Variants in ADARB1 observed in about 807,000 individuals in gnomAD.
ADARB1 encodes the protein adenosine deaminase RNA specific B1.
In ADARB1, 10 loss-of-function variants were observed where a neutral mutation model predicts 52.4. That is an observed-to-expected ratio of 0.19 (90% CI 0.12 to 0.32). The LOEUF (loss-of-function observed/expected upper bound fraction) is 0.32. ADARB1 is among the 10% of genes least tolerant of loss of function. The pLI is 1.00. For synonymous variants in ADARB1, 349 were observed against 371.1 expected (o/e 0.94, Z 0.68); for missense variants, 643 against 922.3 (o/e 0.70, Z 3.92).
intron 9 of ADARB1, among the ~76,000 whole-genome samples, chr21:45,215,731 A>G (rs957465963): frequency 6.6e-6 from 1 of 152,126 alleles, no homozygotes. Flanking sequence ...TTCTTTTTAT[A>G]TATTGTTGGA....
intron 1 of ADARB1, among the ~76,000 whole-genome samples, chr21:45,111,383 C>T (rs2087526413): frequency 6.6e-6 from 1 of 152,170 alleles, no homozygotes; most frequent in Admixed American, 6.5e-5. Context: ...CCCCTGCCCC[C>T]ACACAGGCAC....
intron 1 of ADARB1, among the ~76,000 whole-genome samples, chr21:45,101,251 C>T (rs528485120): frequency 4.6e-5 from 7 of 152,276 alleles, no homozygotes; most frequent in South Asian, 2.1e-4. Context: ...CGCTCCGGAG[C>T]TGGCTCTGCG....
At chr21:45,134,693 T>TA (rs2089260328) in intron 2 of ADARB1, 1 of 420,260 alleles carries the variant, frequency 2.4e-6, no homozygotes, top group Non-Finnish European at 4.8e-6. Flanking sequence ...GCACAGATTT[T>TA]TTTTTTTTTT....
intron 1 of ADARB1, among the ~76,000 whole-genome samples, chr21:45,116,047 C>A (rs948026170): frequency 6.6e-6 from 1 of 152,204 alleles, no homozygotes; most frequent in Admixed American, 6.5e-5. Flanking sequence ...CAGACTAAGT[C>A]CTTTGTGCAA....
At chr21:45,139,665 G>A (rs556977158) in intron 2 of ADARB1, among the ~76,000 whole-genome samples, 3 of 152,286 alleles carry the variant, frequency 2.0e-5, no homozygotes, top group African/African-American at 4.8e-5. Context: ...GGCCGCGTGC[G>A]CCCGTGGGCC....
Position 45,214,940 on chromosome 21 carries a change from A to G in ADARB1, c.1748-5896A>G, listed in dbSNP as rs1014015964. 1.3e-5 allele frequency among the ~76,000 whole-genome samples: 2 copies of G among 152,194 alleles called. 1 individual carries two copies. Among genetic ancestry groups the G allele is most frequent in the Non-Finnish European group, 2.9e-5 (2 of 68,032 alleles). On this transcript the variant is annotated intron_variant, in intron 9 of 10. Transcript: ENST00000348831. ...TGCACTGGTTAGGACCTCCAGTACA[A>G]TGTTGAGTAGAAGTGATGACAGCAG...
intron 9 of ADARB1, among the ~76,000 whole-genome samples, chr21:45,217,524 G>T (rs2092887607): frequency 6.6e-6 from 1 of 152,060 alleles, no homozygotes; most frequent in Non-Finnish European, 1.5e-5. Context: ...ATTGTTTTCA[G>T]ACACTTTTGC....
intron 2 of ADARB1, among the ~76,000 whole-genome samples, chr21:45,170,530 T>A (rs2146107875): frequency 6.6e-6 from 1 of 152,096 alleles, no homozygotes; most frequent in Admixed American, 6.5e-5. Flanking sequence ...GCCTGAAATA[T>A]AGTGAGATTG....
chr21:45,149,822 C>T (rs781357993), intron 2 of ADARB1, among the ~76,000 whole-genome samples: 13 of 152,188 alleles, frequency 8.5e-5, no homozygotes, highest in Admixed American at 2.0e-4. Flanking sequence ...GCGGGGCTAG[C>T]GCACAGCGGC....
At position 45,225,238 on chromosome 21, in the gene ADARB1, A is replaced by G. The variant is rs1355496503; in HGVS notation, c.*3041A>G. The G allele has an allele frequency of 2.7e-6, 3 of 1,114,832 alleles. No homozygotes were observed. Among genetic ancestry groups the G allele is most frequent in the Admixed American group, 5.0e-5 (1 of 19,996 alleles). The allele number at this position is 1,114,832 out of a possible 1,614,324, so 69.1% of individuals were successfully genotyped here. On this transcript the variant is annotated 3_prime_UTR_variant, in exon 11 of 11. Transcript: ENST00000348831. The stretch of plus-strand genomic sequence containing the variant: ...TGCCATGAGGCAGCGACAGGTCCAG[A>G]TGGATGTCGTCACCACCTTCCTCAG...
At chr21:45,203,274 C>T (rs566186554) in intron 8 of ADARB1, among the ~76,000 whole-genome samples, 1 of 152,346 alleles carries the variant, frequency 6.6e-6, no homozygotes, top group East Asian at 1.9e-4. Context: ...GCGTTCCTCC[C>T]TCAGCCTCAC....
At chr21:45,167,387 C>T (rs1426494935) in intron 2 of ADARB1, among the ~76,000 whole-genome samples, 1 of 152,146 alleles carries the variant, frequency 6.6e-6, no homozygotes, top group Admixed American at 6.5e-5. Context: ...TCAGGCAAAC[C>T]AATTATTGAT....
chr21:45,151,635 A>T (rs528748487), intron 2 of ADARB1, among the ~76,000 whole-genome samples: 2 of 152,032 alleles, frequency 1.3e-5, no homozygotes, highest in African/African-American at 4.8e-5. Context: ...ATCTCAGGGG[A>T]GGTATCTCCC....
chr21:45,123,927 T>A (rs2088377605), intron 1 of ADARB1, among the ~76,000 whole-genome samples: 1 of 152,192 alleles, frequency 6.6e-6, no homozygotes, highest in African/African-American at 2.4e-5. Flanking sequence ...AATAATACTG[T>A]CCTTTTCTTT....
At chr21:45,109,320 G>T (rs439077) in intron 1 of ADARB1, among the ~76,000 whole-genome samples, 7 of 152,118 alleles carry the variant, frequency 4.6e-5, no homozygotes, top group South Asian at 2.1e-4. Context: ...GTGTGCGCGC[G>T]TGTGCGTATA....
At chr21:45,133,647 T>A (rs1024184480) in intron 2 of ADARB1, 1 of 259,466 alleles carries the variant, frequency 3.9e-6, no homozygotes, top group Non-Finnish European at 7.6e-6. Flanking sequence ...AAAGAATTTG[T>A]CTTACCTGTA....
In ADARB1 at chr21:45,130,952, T is replaced by C. The variant is rs1244618966; in HGVS notation, c.-48+2379T>C. Reference sequence around the variant, plus strand: ...GGGCTTCGGGAAACCTTGACTCTTGTTGAAGCCTGGAAAGCTTTCTCAGTC... The same window carrying C: ...GGGCTTCGGGAAACCTTGACTCTTGCTGAAGCCTGGAAAGCTTTCTCAGTC... On this transcript the variant is annotated intron_variant, in intron 2 of 10. Coordinates refer to ENST00000348831, the MANE Select transcript of ADARB1 (RefSeq NM_001112.4). Among the ~76,000 whole-genome samples the C allele has an allele frequency of 2.6e-5, 4 of 152,336 alleles. No individual in the cohort carries two copies. In the East Asian group the frequency reaches 7.7e-4, roughly 29 times the overall value.
Position 45,157,419 on chromosome 21 carries a change from T to G in ADARB1, c.-47-14191T>G, listed in dbSNP as rs2090721073. On this transcript the variant is annotated intron_variant, in intron 2 of 10. Coordinates refer to ENST00000348831, the MANE Select transcript of ADARB1 (RefSeq NM_001112.4). This position sits in a 1 kb window ranked among gnomAD's most constrained non-coding sequence, Gnocchi z 4.1. ...CAAATAAGCAGGAACTTACTTAGGT[T>G]GTGTTAAGTAGAGCAAAGTGGACAG... is the stretch of plus-strand genomic sequence containing the variant. Among the ~76,000 whole-genome samples, 1 of 152,112 alleles carries G rather than the reference T, an allele frequency of 6.6e-6. No individual in the cohort carries two copies. The highest frequency in any genetic ancestry group is 1.9e-4 in the East Asian group (1 of 5,190).
At chr21:45,140,711 A>G (rs2089675393) in intron 2 of ADARB1, among the ~76,000 whole-genome samples, 2 of 152,310 alleles carry the variant, frequency 1.3e-5, no homozygotes, top group African/African-American at 4.8e-5. Flanking sequence ...CCCTGGCTTC[A>G]TTTTTACCAT....
Sources: allele counts gnomAD v4.1 joint callset (sites outside exome capture counted in the v4.1 genomes callset), GRCh38; gene constraint gnomAD v4.1.1; non-coding constraint Gnocchi (gnomAD v3.1); transcripts MANE v1.5; gene names NCBI Gene and HGNC (gene_info 2026-07-23, HGNC 2026-07-21).